Variants in COPS3 observed in about 807,000 individuals in gnomAD.
COPS3 encodes the protein COP9 signalosome complex subunit 3.
COPS3 carries 10 observed loss-of-function variants against 58.2 expected under a neutral mutation model. The observed-to-expected ratio is 0.17, with a 90% CI of 0.11 to 0.29. The LOEUF is 0.29. COPS3 is among the 10% of genes least tolerant of loss of function. The probability of loss-of-function intolerance (pLI) is 1.00; values close to 1 mark genes in which losing one functional copy is unlikely to be tolerated. For synonymous variants in COPS3, 187 were observed against 181.7 expected, an observed-to-expected ratio of 1.03 and a Z score of -0.24; for missense variants, 333 against 510.1, an observed-to-expected ratio of 0.65 and a Z score of 3.34.
At chr17:17,254,500 G>A (rs1488036545) in intron 9 of COPS3, among the ~76,000 whole-genome samples, 1 of 152,046 alleles carries the variant, frequency 6.6e-6, no homozygotes, top group African/African-American at 2.4e-5. Context: ...CAAAAATCCA[G>A]TAATTAATTT....
chr17:17,280,735 T>C (rs920216000), intron 1 of COPS3: 1 of 1,249,084 alleles, frequency 8.0e-7, no homozygotes. Context: ...GTCAGCAAGC[T>C]GCGGATCGGC....
chr17:17,275,933 C>T, intron 2 of COPS3, 102 bp downstream of exon 2: 1 of 1,178,098 alleles, frequency 8.5e-7, no homozygotes, highest in Non-Finnish European at 1.1e-6. Flanking sequence ...CAGAGCGAAA[C>T]TCCATCTCAA....
At chr17:17,263,507 TTTC>T (rs1402244498) in intron 6 of COPS3, among the ~76,000 whole-genome samples, 1 of 105,282 alleles carries the variant, frequency 9.5e-6, no homozygotes, top group Non-Finnish European at 1.8e-5. Flanking sequence ...CCTCTTGCCT[TTTC>T]TTTTTTTTTT....
intron 1 of COPS3, among the ~76,000 whole-genome samples, chr17:17,280,312 A>G (rs1056539142): frequency 2.6e-5 from 4 of 152,048 alleles, no homozygotes; most frequent in Non-Finnish European, 5.9e-5. Flanking sequence ...CTGAGACAGG[A>G]GAATCGCTTG....
intron 8 of COPS3, 156 bp from the exon 9 acceptor site, chr17:17,255,101 A>C (rs2047938284): frequency 3.7e-6 from 2 of 534,994 alleles, no homozygotes; most frequent in Non-Finnish European, 6.7e-6. Flanking sequence ...GGAGATTGAG[A>C]CCATCTTGGC....
At chr17:17,272,197 TG>T (rs905309141) in intron 2 of COPS3, among the ~76,000 whole-genome samples, 29 of 151,482 alleles carry the variant, frequency 1.9e-4, no homozygotes, top group Non-Finnish European at 3.2e-4. Context: ...CCAAGGCGGG[TG>T]GATCACCTGA....
At chr17:17,278,878 CTT>C (rs1278820637) in intron 1 of COPS3, among the ~76,000 whole-genome samples, 10 of 140,452 alleles carry the variant, frequency 7.1e-5, no homozygotes, top group Non-Finnish European at 1.1e-4. Context: ...TCTTTTTTTT[CTT>C]TTTTTTTTTT....
chr17:17,251,028 A>G (rs768026331), intron 9 of COPS3, among the ~76,000 whole-genome samples: 1 of 151,934 alleles, frequency 6.6e-6, no homozygotes, highest in African/African-American at 2.4e-5. Context: ...AGAGTCTTGC[A>G]CTGTTGCCCA....
intron 1 of COPS3, 24 bp downstream of exon 1, chr17:17,281,108 C>T: frequency 1.2e-6 from 2 of 1,602,446 alleles, no homozygotes; most frequent in Non-Finnish European, 1.7e-6. Flanking sequence ...CGCCCATGCC[C>T]AGCCCGGCGG....
At chr17:17,261,127 C>G (rs1034620236) in intron 7 of COPS3, among the ~76,000 whole-genome samples, 3 of 152,194 alleles carry the variant, frequency 2.0e-5, no homozygotes, top group African/African-American at 7.2e-5. Context: ...ACTGATAAAT[C>G]ATATAGAGAA....
chr17:17,251,941 C>T (rs7224598), intron 9 of COPS3, among the ~76,000 whole-genome samples: 106,995 of 151,576 alleles, frequency 0.71, 37,969 homozygotes, highest in East Asian at 0.85. Flanking sequence ...TAGTGGTGGG[C>T]GCCTGTAGTC....
At chr17:17,260,606 C>A in intron 7 of COPS3, 132 bp from the exon 8 acceptor site, 1 of 694,716 alleles carries the variant, frequency 1.4e-6, no homozygotes, top group East Asian at 2.7e-5. Context: ...GGGTTAAACA[C>A]CAGCCTGACC....
intron 5 of COPS3, 102 bp downstream of exon 5, chr17:17,267,783 A>C: frequency 8.3e-7 from 1 of 1,199,310 alleles, no homozygotes; most frequent in South Asian, 1.5e-5. Flanking sequence ...AACACATCAC[A>C]ATATCGCCAA....
rs1244367844 is a variant in COPS3, at chr17:17,267,976, G to A, written c.350C>T (p.Pro117Leu). Residue 117 changes from proline (P) to leucine (L), a missense_variant and splice_region_variant, in exon 5 of 12, where the codon CCC becomes CTC. By Grantham distance (98) the Pro-to-Leu change is moderately conservative. Transcript: ENST00000268717. Reference sequence around the variant, plus strand: ...CTTAAGGATGCCAATTCCTCGCAGGGGCTGTCAGAAATGACATCTCTTTCA... The same window carrying A: ...CTTAAGGATGCCAATTCCTCGCAGGAGCTGTCAGAAATGACATCTCTTTCA... Reference protein sequence around the residue: ...LTNALVERKQPLRGIGILKQA... With the variant: ...LTNALVERKQLLRGIGILKQA... The A allele has an allele frequency of 1.2e-6, 2 of 1,613,306 alleles. No individual in the cohort carries two copies. Among genetic ancestry groups the A allele is most frequent in the African/African-American group, 1.3e-5 (1 of 74,876 alleles).
intron 9 of COPS3, among the ~76,000 whole-genome samples, chr17:17,250,628 T>C (rs59766508): frequency 0.012 from 1,867 of 152,332 alleles, 52 homozygotes; most frequent in African/African-American, 0.042. Flanking sequence ...TGGGGAATTA[T>C]TTGACTGATC....
intron 8 of COPS3, among the ~76,000 whole-genome samples, chr17:17,257,690 G>A (rs1386894799): frequency 1.3e-5 from 2 of 150,420 alleles, no homozygotes; most frequent in African/African-American, 4.9e-5. Context: ...CCAGCTACTC[G>A]GGAGGCTGAG....
chr17:17,281,068 G>A (rs369402684), intron 1 of COPS3, 64 bp downstream of exon 1: 1 of 1,544,512 alleles, frequency 6.5e-7, no homozygotes, highest in Non-Finnish European at 8.8e-7. Context: ...CCGTGCTGGC[G>A]CCTGGGGATC....
intron 8 of COPS3, among the ~76,000 whole-genome samples, chr17:17,258,133 T>C (rs2048018608): frequency 6.6e-6 from 1 of 152,188 alleles, no homozygotes; most frequent in Non-Finnish European, 1.5e-5. Flanking sequence ...CCATACCTTA[T>C]GGTAGCCCTC....
intron 11 of COPS3, 22 bp downstream of exon 11, chr17:17,247,458 G>A (rs1197359408): frequency 6.2e-7 from 1 of 1,610,552 alleles, no homozygotes; most frequent in Admixed American, 1.7e-5. Flanking sequence ...CCTACTTCTT[G>A]TAATAAGGGA....
Sources: allele counts gnomAD v4.1 joint callset (sites outside exome capture counted in the v4.1 genomes callset), GRCh38; gene constraint gnomAD v4.1.1; transcripts MANE v1.5; gene names NCBI Gene and HGNC (gene_info 2026-07-23, HGNC 2026-07-21).